The following NHS variants were observed in gnomAD, a reference collection of about 807,000 sequenced individuals.
NHS encodes actin remodeling regulator NHS.
NHS carries 5 observed loss-of-function variants against 72.5 expected under a neutral mutation model. That is an observed-to-expected ratio of 0.07 (90% confidence interval 0.04 to 0.14). The LOEUF (loss-of-function observed/expected upper bound fraction) is 0.14. NHS is among the 10% of genes least tolerant of loss of function. The pLI is 1.00. For synonymous variants in NHS, 464 were observed against 547.7 expected (o/e 0.85, Z 2.13); for missense variants, 1,072 against 1,355.7 (o/e 0.79, Z 3.29).
chrX:17,405,341 G>A (rs920711961), intron 1 of NHS, among the ~76,000 whole-genome samples: 1 of 112,379 alleles, frequency 8.9e-6, no homozygotes, highest in African/African-American at 3.2e-5. Context: ...TGAGCAAGTA[G>A]TGGGTCTCTG....
intron 1 of NHS, among the ~76,000 whole-genome samples, chrX:17,570,895 G>A (rs1237777636): frequency 1.8e-5 from 2 of 111,974 alleles, no homozygotes; most frequent in African/African-American, 6.5e-5. Context: ...GATGAATTTT[G>A]TCGAAGGCCT....
intron 1 of NHS, among the ~76,000 whole-genome samples, chrX:17,609,974 CTT>C (rs1212989884): frequency 8.9e-6 from 1 of 111,827 alleles, no homozygotes; most frequent in African/African-American, 3.3e-5. Context: ...AGACAGGAGA[CTT>C]TTGAGACGCT....
At chrX:17,668,958 G>C (rs922930994) in intron 1 of NHS, among the ~76,000 whole-genome samples, 14 of 111,671 alleles carry the variant, frequency 1.3e-4, no homozygotes, top group African/African-American at 4.6e-4. Context: ...CATTGTCAGA[G>C]GGGAAAAAAT....
At chrX:17,447,803 A>G (rs1182976694) in intron 1 of NHS, among the ~76,000 whole-genome samples, 2 of 109,666 alleles carry the variant, frequency 1.8e-5, no homozygotes, top group East Asian at 5.7e-4. Context: ...ACACACACAC[A>G]CACACACACA....
chrX:17,389,747 G>T (rs1020365292), intron 1 of NHS, among the ~76,000 whole-genome samples: 1 of 109,695 alleles, frequency 9.1e-6, no homozygotes, highest in Non-Finnish European at 1.9e-5. Context: ...AATTATGGGT[G>T]CCTGCCACCA....
At position 17,734,098 on chromosome X, in the gene NHS, T is replaced by G. The variant is rs1416514456; in HGVS notation, c.*1634T>G. 2 of 111,843 alleles carry G rather than the reference T, an allele frequency of 1.8e-5. No homozygotes were observed. Among genetic ancestry groups the G allele is most frequent in the African/African-American group, 6.5e-5 (2 of 30,678 alleles). The allele number at this position is 111,843 out of a possible 1,213,427, so 9.2% of individuals were successfully genotyped here. ...GGGAGAGGTAGAACAGAGAGAGAAT[T>G]AAGAAGGGATCTGACTTATAAAAGA... On this transcript the variant is annotated 3_prime_UTR_variant, in exon 9 of 9. Coordinates refer to ENST00000676302, the MANE Select transcript of NHS (RefSeq NM_001291867.2).
At position 17,689,125 on chromosome X, in the gene NHS, CA is replaced by C. The variant is rs775867176; in HGVS notation, c.718+1232del. Among the ~76,000 whole-genome samples the C allele has an allele frequency of 9.8e-5, 11 of 112,595 alleles. No individual in the cohort carries two copies. In the South Asian group the frequency reaches 4.0e-3, roughly 41 times the overall value. On this transcript the variant is annotated intron_variant, in intron 2 of 8. Coordinates refer to ENST00000676302, the MANE Select transcript of NHS (RefSeq NM_001291867.2). ...TATTGTTTTCATCTTATTTATTCCA[CA>C]TTTGTATAACTCCTGCCTTTTCCCC...
chrX:17,570,764 G>A (rs921103867), intron 1 of NHS, among the ~76,000 whole-genome samples: 2 of 111,746 alleles, frequency 1.8e-5, no homozygotes, highest in Non-Finnish European at 3.8e-5. Context: ...CAAAGGGAAT[G>A]CTTCCAGTTT....
intron 1 of NHS, among the ~76,000 whole-genome samples, chrX:17,622,931 A>C (rs2065780787): frequency 9.0e-6 from 1 of 110,532 alleles, no homozygotes; most frequent in Admixed American, 9.6e-5. Context: ...TATTATTAAA[A>C]AAAAATTTTT....
chrX:17,652,162 A>G (rs1442754651), intron 1 of NHS, among the ~76,000 whole-genome samples: 1 of 112,498 alleles, frequency 8.9e-6, no homozygotes, highest in Non-Finnish European at 1.9e-5. Context: ...CTTTACAGAA[A>G]AAGTTTGTTG....
intron 1 of NHS, among the ~76,000 whole-genome samples, chrX:17,558,960 T>C (rs776759797): frequency 1.6e-4 from 18 of 112,759 alleles, no homozygotes; most frequent in Non-Finnish European, 3.2e-4. Flanking sequence ...ATTCAACAAA[T>C]AGAATTTCTT....
chrX:17,478,271 T>G (rs2064930159), intron 1 of NHS, among the ~76,000 whole-genome samples: 1 of 112,011 alleles, frequency 8.9e-6, no homozygotes, highest in Non-Finnish European at 1.9e-5. Context: ...CCTGAACACT[T>G]TGCACCAAGT....
In NHS at chrX:17,728,917, A is replaced by G. The variant is rs775432231; in HGVS notation, c.4349+142A>G. On this transcript the variant is annotated intron_variant, in intron 8 of 8. Coordinates refer to ENST00000676302, the MANE Select transcript of NHS (RefSeq NM_001291867.2). ...CAAAAACAAAAGCAAGCAAAGAATA[A>G]TTTTTCCAAATCAAGTTGATAGACT... 1,596 of 821,251 alleles carry G rather than the reference A, an allele frequency of 1.9e-3. 1 individual carries two copies. Among genetic ancestry groups the G allele is most frequent in the Non-Finnish European group, 2.2e-3 (1,250 of 563,592 alleles). 67.7% of individuals were successfully genotyped at this position (821,251 alleles called of 1,213,427 possible).
rs191705694 is a variant in NHS at position 17,565,399 on chromosome X, A to C, written c.566-122343A>C. 4.0e-3 allele frequency among the ~76,000 whole-genome samples: 456 copies of C among 112,719 alleles called. 2 individuals carry two copies. The highest frequency in any genetic ancestry group is 5.2e-3 in the Non-Finnish European group (279 of 53,362). ...CAAGTGTATGCACATAATCATGAGA[A>C]ATCATAAATCATTGTTGTTTTAAGT... On this transcript the variant is annotated intron_variant, in intron 1 of 8. Transcript: ENST00000676302.
chrX:17,498,480 C>T (rs984956226), intron 1 of NHS, among the ~76,000 whole-genome samples: 1 of 111,951 alleles, frequency 8.9e-6, no homozygotes, highest in Non-Finnish European at 1.9e-5. Context: ...CCTGATTTTG[C>T]AATTCAGGGT....
At chrX:17,577,301 T>C (rs370301981) in intron 1 of NHS, among the ~76,000 whole-genome samples, 29 of 112,068 alleles carry the variant, frequency 2.6e-4, no homozygotes, top group African/African-American at 8.8e-4. Context: ...TGGACTTAAT[T>C]TGAGAAAAGG....
chrX:17,444,515 G>T, intron 1 of NHS, among the ~76,000 whole-genome samples: 1 of 112,234 alleles, frequency 8.9e-6, no homozygotes, highest in Non-Finnish European at 1.9e-5. Context: ...AGAAGTAATT[G>T]GTATAGACTG....
chrX:17,639,237 G>A (rs2065867747), intron 1 of NHS, among the ~76,000 whole-genome samples: 1 of 111,618 alleles, frequency 9.0e-6, no homozygotes, highest in African/African-American at 3.3e-5. Flanking sequence ...AAACTTTATG[G>A]AGCAGCATCT....
chrX:17,565,548 C>T (rs1755105139), intron 1 of NHS, among the ~76,000 whole-genome samples: 1 of 112,200 alleles, frequency 8.9e-6, no homozygotes, highest in South Asian at 3.7e-4. Context: ...AACCCATGCT[C>T]CCCTGGGCTG....
Sources: allele counts gnomAD v4.1 joint callset (sites outside exome capture counted in the v4.1 genomes callset), GRCh38; gene constraint gnomAD v4.1.1; transcripts MANE v1.5; gene names NCBI Gene and HGNC (gene_info 2026-07-23, HGNC 2026-07-21).